The following SRBD1 variants were observed in gnomAD, a reference collection of about 807,000 sequenced individuals.
The protein encoded by SRBD1 is S1 RNA-binding domain-containing protein 1.
In SRBD1, 88 loss-of-function variants were observed where a neutral mutation model predicts 115.3. That is an observed-to-expected ratio of 0.76 (90% confidence interval 0.64 to 0.91). The LOEUF is 0.91. Among genes scored for constraint, SRBD1 ranks in the 40% least tolerant of loss-of-function variants. The pLI, the probability that SRBD1 is intolerant of heterozygous loss-of-function variation, is 0.00. For synonymous variants in SRBD1, 509 were observed against 407.7 expected (o/e 1.25, Z -2.99); for missense variants, 1,385 against 1,177.4 (o/e 1.18, Z -2.58).
chr2:45,484,111 CT>C (rs1427484420), intron 15 of SRBD1, among the ~76,000 whole-genome samples: 2 of 151,934 alleles, frequency 1.3e-5, no homozygotes, highest in Non-Finnish European at 2.9e-5. Context: ...CTCCAAGTAG[CT>C]TTTTTTCTTC....
At position 45,587,187 on chromosome 2, in the gene SRBD1, A is replaced by T. The variant is rs903045614; in HGVS notation, c.649-1413T>A. Among the ~76,000 whole-genome samples, 207 of 144,882 alleles carry T rather than the reference A, an allele frequency of 1.4e-3. 5 individuals carry two copies. In the East Asian group the frequency reaches 0.018, roughly 12 times the overall value. On this transcript the variant is annotated intron_variant, in intron 4 of 20. Coordinates refer to ENST00000263736, the MANE Select transcript of SRBD1 (RefSeq NM_018079.5). ...ATTATAAATATTAAAATATTTAAAA[A>T]TTTTTAAATATTTAATTATTTTAAA... is the stretch of plus-strand genomic sequence containing the variant.
At chr2:45,428,012 T>C (rs1262598582) in intron 16 of SRBD1, among the ~76,000 whole-genome samples, 2 of 152,178 alleles carry the variant, frequency 1.3e-5, no homozygotes, top group African/African-American at 2.4e-5. Flanking sequence ...AATAGACATC[T>C]ACAGAACTCT....
At chr2:45,464,101 C>T (rs1321250573) in intron 16 of SRBD1, among the ~76,000 whole-genome samples, 1 of 151,948 alleles carries the variant, frequency 6.6e-6, no homozygotes, top group African/African-American at 2.4e-5. Context: ...CCACCGAGAA[C>T]AGAATATGCC....
intron 16 of SRBD1, among the ~76,000 whole-genome samples, chr2:45,422,378 C>T (rs900075898): frequency 6.6e-6 from 1 of 152,154 alleles, no homozygotes; most frequent in East Asian, 1.9e-4. Context: ...AAGCTGGTCC[C>T]ACCTCCCACA....
In SRBD1 at chr2:45,426,950, G is replaced by T. The variant is rs997107406; in HGVS notation, c.2050-7056C>A. Among the ~76,000 whole-genome samples, 7 of 152,182 alleles carry T rather than the reference G, an allele frequency of 4.6e-5. 1 individual carries two copies. The highest frequency in any genetic ancestry group is 1.7e-4 in the African/African-American group (7 of 41,438). The stretch of plus-strand genomic sequence containing the variant: ...ACCAGAATGCCTCTTCTCCTCTAAA[G>T]GATCACAACTCCTCGCCAGCAAGGG... On this transcript the variant is annotated intron_variant, in intron 16 of 20. Coordinates refer to ENST00000263736, the MANE Select transcript of SRBD1 (RefSeq NM_018079.5).
chr2:45,486,704 G>C (rs1281267738), intron 15 of SRBD1, among the ~76,000 whole-genome samples: 1 of 151,746 alleles, frequency 6.6e-6, no homozygotes. Flanking sequence ...CTGTACTCCA[G>C]CCTGGGTGAC....
chr2:45,447,497 T>G (rs546098416), intron 16 of SRBD1: 1 of 152,246 alleles, frequency 6.6e-6, no homozygotes, highest in East Asian at 1.9e-4. Context: ...ATGGGTCAGA[T>G]ACAAAGAGTT....
At chr2:45,395,010 G>T (rs3770242) in intron 19 of SRBD1, among the ~76,000 whole-genome samples, 1 of 152,132 alleles carries the variant, frequency 6.6e-6, no homozygotes, top group African/African-American at 2.4e-5. Context: ...CAAGGGTCCC[G>T]GTGACAAGGA....
chr2:45,576,915 C>T (rs1673195911), intron 7 of SRBD1, among the ~76,000 whole-genome samples: 1 of 152,196 alleles, frequency 6.6e-6, no homozygotes, highest in Non-Finnish European at 1.5e-5. Flanking sequence ...TAATTTGAAA[C>T]TTTATGTAAT....
chr2:45,461,260 C>T (rs1211461621), intron 16 of SRBD1, among the ~76,000 whole-genome samples: 1 of 152,150 alleles, frequency 6.6e-6, no homozygotes, highest in African/African-American at 2.4e-5. Context: ...TTGTAATGTT[C>T]CAGATATAAA....
At chr2:45,558,984 G>C (rs867331415) in intron 10 of SRBD1, among the ~76,000 whole-genome samples, 4 of 152,082 alleles carry the variant, frequency 2.6e-5, no homozygotes, top group Non-Finnish European at 4.4e-5. Context: ...ACAGGCGTGA[G>C]CCACCACGCC....
At chr2:45,558,256 G>C (rs1020894051) in intron 10 of SRBD1, among the ~76,000 whole-genome samples, 1 of 152,172 alleles carries the variant, frequency 6.6e-6, no homozygotes, top group Non-Finnish European at 1.5e-5. Flanking sequence ...TTTAAATCCA[G>C]GAGTTTGAGA....
intron 1 of SRBD1, among the ~76,000 whole-genome samples, chr2:45,610,714 A>T (rs777782338): frequency 2.6e-5 from 4 of 152,156 alleles, no homozygotes; most frequent in Non-Finnish European, 4.4e-5. Flanking sequence ...GGCCACCATG[A>T]CCGTGAAAAG....
chr2:45,405,754 A>AAAAGAGTTAAAAATGG (rs141299583), intron 19 of SRBD1, among the ~76,000 whole-genome samples: 3 of 151,772 alleles, frequency 2.0e-5, no homozygotes, highest in Non-Finnish European at 2.9e-5. Context: ...CAGAATGGGT[A>AAAAGAGTTAAAAATGG]AAAGAGACGA....
At chr2:45,451,700 A>C (rs1431627524) in intron 16 of SRBD1, among the ~76,000 whole-genome samples, 1 of 150,878 alleles carries the variant, frequency 6.6e-6, no homozygotes, top group Non-Finnish European at 1.5e-5. Flanking sequence ...TTTTTTTAAC[A>C]TTACATACTT....
In SRBD1 at chr2:45,576,275, T is replaced by C. The variant is rs185515876; in HGVS notation, c.1073-1552A>G. Among the ~76,000 whole-genome samples, 192 of 152,360 alleles carry C rather than the reference T, an allele frequency of 1.3e-3. 1 individual carries two copies. The highest frequency in any genetic ancestry group is 2.0e-3 in the Non-Finnish European group (138 of 68,032). ...ATTTTCTTTTTTCTAGCTTACCTTATTGTAAGAATACAGTATATAACACAT... is the reference window on the plus strand; with the variant it reads ...ATTTTCTTTTTTCTAGCTTACCTTACTGTAAGAATACAGTATATAACACAT... On this transcript the variant is annotated intron_variant, in intron 7 of 20. Coordinates refer to ENST00000263736, the MANE Select transcript of SRBD1 (RefSeq NM_018079.5).
intron 6 of SRBD1, among the ~76,000 whole-genome samples, chr2:45,581,192 G>A (rs767716959): frequency 6.6e-6 from 1 of 151,998 alleles, no homozygotes; most frequent in Non-Finnish European, 1.5e-5. Flanking sequence ...CTTCCCTGCT[G>A]TTCCAGGGCA....
At chr2:45,415,001 GTGTATATAGTA>G (rs2103620596) in intron 18 of SRBD1, among the ~76,000 whole-genome samples, 1 of 112,226 alleles carries the variant, frequency 8.9e-6, no homozygotes, top group East Asian at 2.5e-4. Flanking sequence ...CACATATAGT[GTGTATATAGTA>G]TGTATATACA....
intron 1 of SRBD1, among the ~76,000 whole-genome samples, chr2:45,609,094 A>C (rs918312220): frequency 3.3e-5 from 5 of 152,194 alleles, no homozygotes. Flanking sequence ...AGTGTGAGCC[A>C]TGGCGCCTGG....
Sources: allele counts gnomAD v4.1 joint callset (sites outside exome capture counted in the v4.1 genomes callset), GRCh38; gene constraint gnomAD v4.1.1; transcripts MANE v1.5; gene names NCBI Gene and HGNC (gene_info 2026-07-23, HGNC 2026-07-21).